MYO19: variants seen among roughly 807,000 people sequenced by gnomAD.
The protein encoded by MYO19 is unconventional myosin-XIX.
In MYO19, 132 loss-of-function variants were observed where a neutral mutation model predicts 129.2. The observed-to-expected ratio is 1.02, with a 90% CI of 0.89 to 1.18. The LOEUF (loss-of-function observed/expected upper bound fraction) is 1.18. MYO19 is among the 50% of genes most tolerant of loss of function. The pLI is 0.00. For synonymous variants in MYO19, 531 were observed against 477.2 expected (o/e 1.11, Z -1.47); for missense variants, 1,210 against 1,216.7 (o/e 0.99, Z 0.08).
chr17:36,516,083 T>G, intron 6 of MYO19, 93 bp from the exon 7 acceptor site: 1 of 1,401,198 alleles, frequency 7.1e-7, no homozygotes, highest in Non-Finnish European at 9.5e-7. Context: ...AGCTCTCTTC[T>G]CCACCAGTGT....
intron 5 of MYO19, among the ~76,000 whole-genome samples, chr17:36,526,472 C>A (rs1384020202): frequency 6.6e-6 from 1 of 152,196 alleles, no homozygotes; most frequent in Non-Finnish European, 1.5e-5. Context: ...ACCTCCACCA[C>A]CCCACCCCAA....
chr17:36,500,657 A>C, intron 23 of MYO19, 173 bp downstream of exon 23: 1 of 883,812 alleles, frequency 1.1e-6, no homozygotes, highest in Non-Finnish European at 1.7e-6. Context: ...ATTGAACTGG[A>C]GAGACGTTAT....
chr17:36,500,673 A>AG, intron 23 of MYO19, 157 bp downstream of exon 23: 1 of 1,039,832 alleles, frequency 9.6e-7, no homozygotes, highest in Non-Finnish European at 1.4e-6. Context: ...GTTATGAGTG[A>AG]GGGGGACAGG....
At chr17:36,528,856 C>T (rs2073657523) in intron 3 of MYO19, among the ~76,000 whole-genome samples, 1 of 152,184 alleles carries the variant, frequency 6.6e-6, no homozygotes, top group Non-Finnish European at 1.5e-5. Context: ...TTGCAAGTAG[C>T]ACTTCCAGGC....
chr17:36,538,241 T>C (rs1415397401), upstream of MYO19: 3 of 1,613,258 alleles, frequency 1.9e-6, no homozygotes, highest in Non-Finnish European at 2.5e-6. Context: ...TAGTTGCTTC[T>C]AGCCTGATCC....
At chr17:36,499,645 A>ATTCTTT (rs1427519425) in intron 23 of MYO19, 22 of 80,270 alleles carry the variant, frequency 2.7e-4, no homozygotes, top group African/African-American at 9.7e-4. Context: ...ATTTCAGCAT[A>ATTCTTT]TTCTTTTTCT....
At chr17:36,502,828 A>G in intron 21 of MYO19, 1 of 520,346 alleles carries the variant, frequency 1.9e-6, no homozygotes, top group Non-Finnish European at 3.4e-6. Context: ...TCACCTGGCT[A>G]ATCCAATTTA....
chr17:36,535,297 G>A (rs2074073258), upstream of MYO19: 1 of 150,104 alleles, frequency 6.7e-6, no homozygotes, highest in Admixed American at 6.6e-5. Context: ...TGAGGTGCAT[G>A]GCGCGCCGTT....
intron 25 of MYO19, chr17:36,497,686 G>A: frequency 3.1e-6 from 1 of 318,286 alleles, no homozygotes; most frequent in Non-Finnish European, 4.5e-6. Flanking sequence ...CCAGATTCAA[G>A]CAATTCTCAT....
intron 6 of MYO19, among the ~76,000 whole-genome samples, chr17:36,521,205 G>T (rs2073109901): frequency 6.6e-6 from 1 of 152,124 alleles, no homozygotes; most frequent in Admixed American, 6.6e-5. Flanking sequence ...CTTACAGTGA[G>T]GCCCCATTGG....
At chr17:36,538,470 A>AT (rs747000530), upstream of MYO19, 1 of 1,614,164 alleles carries the variant, frequency 6.2e-7, no homozygotes, top group South Asian at 1.1e-5. Context: ...GCTGTCAAAT[A>AT]TAACAACTGG....
At chr17:36,499,049 A>G (rs1296107436) in intron 24 of MYO19, 26 bp downstream of exon 24, 2 of 1,575,178 alleles carry the variant, frequency 1.3e-6, no homozygotes, top group Admixed American at 3.6e-5. Context: ...TCCACTGCCC[A>G]CCCCGACTTC....
chr17:36,539,448 T>C (rs111496412), upstream of MYO19: 2 of 159,600 alleles, frequency 1.3e-5, no homozygotes, highest in African/African-American at 2.4e-5. Flanking sequence ...AATACTTATA[T>C]ACTATGAAGT....
chr17:36,544,438 C>G (rs542753191), upstream of MYO19, among the ~76,000 whole-genome samples: 5 of 152,326 alleles, frequency 3.3e-5, no homozygotes, highest in East Asian at 1.9e-4. Flanking sequence ...CTCTCACCCC[C>G]CGATGCTCGT....
chr17:36,535,144 G>C (rs1014164697), upstream of MYO19: 12 of 150,266 alleles, frequency 8.0e-5, no homozygotes, highest in African/African-American at 3.0e-4. Context: ...CGGTTTCCTG[G>C]GCCTTCGGGC....
upstream of MYO19, among the ~76,000 whole-genome samples, chr17:36,535,791 C>G (rs569717817): frequency 1.3e-5 from 2 of 152,060 alleles, no homozygotes; most frequent in East Asian, 1.9e-4. Context: ...GCATTACAGG[C>G]GCGCACCACC....
At position 36,496,197 on chromosome 17, in the gene MYO19, CTT is replaced by C; in HGVS notation, c.*52_*53del. The stretch of plus-strand genomic sequence containing the variant: ...TGGCAGCTGTGTGCTGATTAAATGT[CTT>C]TGGCAAGGCAGGGGGCAGGAAAAGG... On this transcript the variant is annotated 3_prime_UTR_variant, in exon 26 of 26. Transcript: ENST00000614623. 1 of 1,603,946 alleles carries C rather than the reference CTT, an allele frequency of 6.2e-7. No homozygotes were observed. The highest frequency in any genetic ancestry group is 8.5e-7 in the Non-Finnish European group (1 of 1,173,372).
At chr17:36,538,297 A>C, upstream of MYO19, 1 of 1,613,442 alleles carries the variant, frequency 6.2e-7, no homozygotes, top group Middle Eastern at 1.6e-4. Flanking sequence ...AGTTTTGCCA[A>C]ATTTCTAATT....
At position 36,505,312 on chromosome 17, in the gene MYO19, G is replaced by A; in HGVS notation, c.1890C>T (p.Thr630=). 6.2e-7 allele frequency: 1 copy of A among 1,614,242 alleles called. No homozygotes were observed. Among genetic ancestry groups the A allele is most frequent in the East Asian group, 2.2e-5 (1 of 44,882 alleles). Residue 630 remains threonine (T), a synonymous_variant, in exon 19 of 26, where the codon ACC becomes ACT. Coordinates refer to ENST00000614623, the MANE Select transcript of MYO19 (RefSeq NM_001163735.2). ...IKPNSQGQAQ[T]FLQEEVLSQL... is the part of the protein sequence containing the mutation. ...TGTTAATTACCTCCTCTTGGAGAAA[G>A]GTCTGCGCCTGGCCCTGGCTGTTGG...
Sources: allele counts gnomAD v4.1 joint callset (sites outside exome capture counted in the v4.1 genomes callset), GRCh38; gene constraint gnomAD v4.1.1; transcripts MANE v1.5; gene names NCBI Gene and HGNC (gene_info 2026-07-23, HGNC 2026-07-21).